Variants in OPCML observed in about 807,000 individuals in gnomAD.
The protein encoded by OPCML is opioid-binding protein/cell adhesion molecule.
In OPCML, 13 loss-of-function variants were observed where a neutral mutation model predicts 37.8. That is an observed-to-expected ratio of 0.34 (90% CI 0.22 to 0.55). The LOEUF (loss-of-function observed/expected upper bound fraction) is 0.55, where lower values mean the gene tolerates loss of function less well. Ranked by LOEUF, OPCML falls within the 20% of genes least tolerant of loss-of-function variation. The pLI is 0.91. For missense variants in OPCML, 341 were observed against 435.6 expected (o/e 0.78, Z 1.93); for synonymous variants, 176 against 168.8 (o/e 1.04, Z -0.33).
chr11:132,594,364 A>C (rs1170862519), intron 3 of OPCML, among the ~76,000 whole-genome samples: 1 of 152,212 alleles, frequency 6.6e-6, no homozygotes, highest in East Asian at 1.9e-4. Flanking sequence ...CGATGCTGTC[A>C]ATAAATCACT....
At chr11:133,343,493 C>T (rs1258116471) in intron 1 of OPCML, among the ~76,000 whole-genome samples, 2 of 152,178 alleles carry the variant, frequency 1.3e-5, no homozygotes, top group African/African-American at 4.8e-5. Context: ...TGCCTGAGAT[C>T]AGAGATAGAA....
At chr11:132,485,380 T>C (rs1325891810) in intron 4 of OPCML, among the ~76,000 whole-genome samples, 3 of 152,290 alleles carry the variant, frequency 2.0e-5, no homozygotes, top group East Asian at 3.9e-4. Flanking sequence ...TGTTTGTTTG[T>C]TTTGAGTTAT....
chr11:133,418,209 A>T, intron 1 of OPCML: 1 of 985,412 alleles, frequency 1.0e-6, no homozygotes, highest in Non-Finnish European at 1.2e-6. Context: ...TTTCCACCTG[A>T]TAGGTGTGGT....
At chr11:133,213,375 T>C (rs1939450795) in intron 1 of OPCML, among the ~76,000 whole-genome samples, 1 of 152,164 alleles carries the variant, frequency 6.6e-6, no homozygotes, top group Non-Finnish European at 1.5e-5. Flanking sequence ...ATAACCTCAT[T>C]GCATAATGAA....
At chr11:132,755,583 T>C (rs1565836383) in intron 2 of OPCML, among the ~76,000 whole-genome samples, 1 of 152,208 alleles carries the variant, frequency 6.6e-6, no homozygotes, top group Non-Finnish European at 1.5e-5. Flanking sequence ...ATGACCTTAA[T>C]ATATTCTAAG....
At chr11:132,868,419 C>T (rs891613990) in intron 2 of OPCML, among the ~76,000 whole-genome samples, 3 of 148,762 alleles carry the variant, frequency 2.0e-5, no homozygotes, top group African/African-American at 7.4e-5. Flanking sequence ...GAACCCTGAA[C>T]AGTGTCAGCC....
At chr11:132,812,856 AGCAC>A (rs1183280578) in intron 2 of OPCML, among the ~76,000 whole-genome samples, 1 of 152,216 alleles carries the variant, frequency 6.6e-6, no homozygotes, top group Non-Finnish European at 1.5e-5. Context: ...GTATCTCCCT[AGCAC>A]TTAATACAGT....
chr11:133,497,879 C>T (rs1393151002), intron 1 of OPCML, among the ~76,000 whole-genome samples: 1 of 152,218 alleles, frequency 6.6e-6, no homozygotes, highest in Non-Finnish European at 1.5e-5. Context: ...TGAGTCCCGG[C>T]AAATTAACCA....
chr11:133,331,082 TG>T (rs1943609312), intron 1 of OPCML, among the ~76,000 whole-genome samples: 1 of 151,722 alleles, frequency 6.6e-6, no homozygotes, highest in Non-Finnish European at 1.5e-5. Flanking sequence ...GGAGTAAAAC[TG>T]GAAGAGAAAG....
intron 1 of OPCML, among the ~76,000 whole-genome samples, chr11:132,995,309 T>TA (rs1247879374): frequency 6.6e-6 from 1 of 152,138 alleles, no homozygotes; most frequent in East Asian, 1.9e-4. Flanking sequence ...AAGGCAAACT[T>TA]ACATCTAGGG....
intron 2 of OPCML, among the ~76,000 whole-genome samples, chr11:132,915,245 A>AAC (rs1482551901): frequency 6.6e-6 from 1 of 152,146 alleles, no homozygotes; most frequent in Non-Finnish European, 1.5e-5. Context: ...GAACGTGTAT[A>AAC]CACATCTATC....
At chr11:133,503,167 C>T (rs1947953739) in intron 1 of OPCML, among the ~76,000 whole-genome samples, 1 of 152,178 alleles carries the variant, frequency 6.6e-6, no homozygotes, top group African/African-American at 2.4e-5. Flanking sequence ...GAAAAATGTG[C>T]TGGCCTAGAA....
At chr11:132,626,775 A>G (rs1939767792) in intron 3 of OPCML, among the ~76,000 whole-genome samples, 1 of 113,358 alleles carries the variant, frequency 8.8e-6, no homozygotes, top group Non-Finnish European at 1.8e-5. Flanking sequence ...CTTTTCTGAA[A>G]ATATCTCTGC....
At chr11:132,810,442 A>G (rs1020303248) in intron 2 of OPCML, among the ~76,000 whole-genome samples, 5 of 152,112 alleles carry the variant, frequency 3.3e-5, no homozygotes, top group African/African-American at 1.2e-4. Flanking sequence ...ACGGTGGCTC[A>G]CGCCTGTAAT....
chr11:132,766,949 A>G (rs1946465068), intron 2 of OPCML, among the ~76,000 whole-genome samples: 1 of 152,202 alleles, frequency 6.6e-6, no homozygotes, highest in Non-Finnish European at 1.5e-5. Context: ...TGTTGGAGAA[A>G]AGGGTTATGA....
At chr11:132,838,956 C>T (rs1941166072) in intron 2 of OPCML, among the ~76,000 whole-genome samples, 1 of 152,164 alleles carries the variant, frequency 6.6e-6, no homozygotes, top group Admixed American at 6.5e-5. Flanking sequence ...TGTTCTAGAA[C>T]ATTACCAAGT....
intron 1 of OPCML, among the ~76,000 whole-genome samples, chr11:133,330,440 T>A (rs2136646277): frequency 6.6e-6 from 1 of 152,312 alleles, no homozygotes; most frequent in African/African-American, 2.4e-5. Flanking sequence ...CCAACCCAAA[T>A]GTCCAACAAC....
chr11:132,973,394 C>T (rs559486796), intron 1 of OPCML, among the ~76,000 whole-genome samples: 229 of 152,256 alleles, frequency 1.5e-3, no homozygotes, highest in African/African-American at 5.4e-3. Context: ...GACCATTTTG[C>T]AACTTCCTGG....
At chr11:132,851,108 A>C (rs1434412261) in intron 2 of OPCML, among the ~76,000 whole-genome samples, 4 of 152,210 alleles carry the variant, frequency 2.6e-5, no homozygotes, top group African/African-American at 9.6e-5. Context: ...CCAAGCACAG[A>C]AGTGTCAGAA....
Sources: allele counts gnomAD v4.1 joint callset (sites outside exome capture counted in the v4.1 genomes callset), GRCh38; gene constraint gnomAD v4.1.1; transcripts MANE v1.5; gene names NCBI Gene and HGNC (gene_info 2026-07-23, HGNC 2026-07-21).